The following NTRK3 variants were observed in gnomAD, a reference collection of about 807,000 sequenced individuals.
NTRK3 encodes the protein neurotrophic receptor tyrosine kinase 3.
NTRK3 carries 24 observed loss-of-function variants against 91.7 expected under a neutral mutation model. The observed-to-expected ratio is 0.26, with a 90% CI of 0.19 to 0.37. The LOEUF (loss-of-function observed/expected upper bound fraction) is 0.37. Ranked by LOEUF, NTRK3 falls within the 10% of genes least tolerant of loss-of-function variation. NTRK3 has a pLI of 1.00. For synonymous variants in NTRK3, 483 were observed against 404.0 expected, an observed-to-expected ratio of 1.20 and a Z score of -2.34; for missense variants, 880 against 1,068.9, an observed-to-expected ratio of 0.82 and a Z score of 2.46.
intron 3 of NTRK3, among the ~76,000 whole-genome samples, chr15:88,200,219 C>T (rs1359559222): frequency 2.0e-5 from 3 of 152,192 alleles, no homozygotes; most frequent in Non-Finnish European, 4.4e-5. Flanking sequence ...CCGGACTGGC[C>T]GCCAACCTAG....
chr15:87,860,270 C>A (rs1270599433), exon 19 of NTRK3: 3 of 215,332 alleles, frequency 1.4e-5, no homozygotes, highest in East Asian at 6.8e-5. Flanking sequence ...GGAGAAACAA[C>A]CTTTGGTGAT....
intron 3 of NTRK3, among the ~76,000 whole-genome samples, chr15:88,222,935 A>G (rs912109815): frequency 1.3e-5 from 2 of 152,144 alleles, no homozygotes; most frequent in African/African-American, 4.8e-5. Context: ...AACCCGCAGG[A>G]TTCTTTTGGG....
chr15:88,148,916 G>A (rs1224005758), intron 5 of NTRK3, among the ~76,000 whole-genome samples: 2 of 152,160 alleles, frequency 1.3e-5, no homozygotes, highest in Non-Finnish European at 2.9e-5. Flanking sequence ...GAGAGAAAGA[G>A]AAGTGAGTGG....
chr15:88,194,427 C>T (rs1005354051), intron 3 of NTRK3, among the ~76,000 whole-genome samples: 2 of 152,354 alleles, frequency 1.3e-5, no homozygotes, highest in East Asian at 3.9e-4. Flanking sequence ...AATACCAGCC[C>T]CTGCTTTCCT....
intron 13 of NTRK3, among the ~76,000 whole-genome samples, chr15:88,058,200 AAGAGT>A (rs2045899042): frequency 6.6e-6 from 1 of 152,174 alleles, no homozygotes; most frequent in Non-Finnish European, 1.5e-5. Flanking sequence ...CCAAAGGGGA[AAGAGT>A]CCAGAGTGGC....
chr15:88,144,671 C>G (rs936412794), intron 6 of NTRK3, among the ~76,000 whole-genome samples: 4 of 152,150 alleles, frequency 2.6e-5, no homozygotes, highest in Non-Finnish European at 5.9e-5. Flanking sequence ...ACCTGTTTAA[C>G]TTAGCCGAGC....
At chr15:88,256,208 G>GAGT (rs1309645161) in intron 2 of NTRK3, 40 bp from the exon 3 acceptor site, 153 of 805,374 alleles carry the variant, frequency 1.9e-4, no homozygotes, top group Non-Finnish European at 1.5e-4. Flanking sequence ...GGGTGGGGTG[G>GAGT]GGGGAGTGGG....
At chr15:88,155,816 CTA>C (rs2043838415) in intron 5 of NTRK3, among the ~76,000 whole-genome samples, 1 of 147,380 alleles carries the variant, frequency 6.8e-6, no homozygotes, top group African/African-American at 2.6e-5. Context: ...ATCTATCTAT[CTA>C]TCTATCTATC....
intron 3 of NTRK3, among the ~76,000 whole-genome samples, chr15:88,250,205 C>A (rs1056041806): frequency 6.6e-6 from 1 of 152,192 alleles, no homozygotes; most frequent in Non-Finnish European, 1.5e-5. Flanking sequence ...AAGAACAGAG[C>A]CAAGGGGACC....
intron 13 of NTRK3, among the ~76,000 whole-genome samples, chr15:88,083,291 G>C (rs3784425): frequency 0.37 from 55,767 of 151,868 alleles, 10,611 homozygotes; most frequent in Non-Finnish European, 0.43. Flanking sequence ...CCCAATCTCG[G>C]CTCACTGCAA....
exon 19 of NTRK3, chr15:87,863,768 T>C (rs995806557): frequency 4.3e-6 from 1 of 230,130 alleles, no homozygotes; most frequent in Non-Finnish European, 8.6e-6. Context: ...ATAATTTATA[T>C]GGCTTGCTAT....
rs75546044 is a variant in NTRK3, at chr15:88,185,205, A to T, written c.249-906T>A. ...CACTACATCTATTAACTACTAATTA[A>T]TTCATCTTCTTGGATTTATTAATCA... On this transcript the variant is annotated intron_variant, in intron 3 of 18. Transcript: ENST00000394480. Among the ~76,000 whole-genome samples the T allele has an allele frequency of 6.2e-3, 946 of 152,298 alleles. 5 individuals carry two copies. Among genetic ancestry groups the T allele is most frequent in the Non-Finnish European group, 0.011 (770 of 68,020 alleles).
chr15:87,891,864 A>G (rs1343186330), intron 17 of NTRK3, among the ~76,000 whole-genome samples: 1 of 152,192 alleles, frequency 6.6e-6, no homozygotes, highest in Non-Finnish European at 1.5e-5. Context: ...GATGAGGTCT[A>G]GAATTTCCGT....
At chr15:88,087,196 C>T (rs1052438431) in intron 13 of NTRK3, among the ~76,000 whole-genome samples, 6 of 152,154 alleles carry the variant, frequency 3.9e-5, no homozygotes, top group African/African-American at 4.8e-5. Context: ...AGTCATGAAA[C>T]GCATGCGTGT....
At chr15:88,137,119 A>G (rs562569571) in intron 7 of NTRK3, among the ~76,000 whole-genome samples, 8 of 152,342 alleles carry the variant, frequency 5.3e-5, no homozygotes, top group South Asian at 4.1e-4. Context: ...TTTGGTTGAC[A>G]GGTAACTCAC....
rs1220965953 is a variant in NTRK3, at chr15:87,981,340, T to A, written c.1586-40587A>T. 5 of 1,612,232 alleles carry A rather than the reference T, an allele frequency of 3.1e-6. No individual in the cohort carries two copies. In the African/African-American group the frequency reaches 4.0e-5, roughly 13 times the overall value. On this transcript the variant is annotated intron_variant, in intron 14 of 18. Coordinates refer to ENST00000394480, the Ensembl canonical transcript of NTRK3. ...TCCTTCAAGTTTAATATCCCATGAT[T>A]GTCTATGTTTGAAAAGACCCCTGGC... is the stretch of plus-strand genomic sequence containing the variant.
At chr15:87,988,922 AT>A (rs1490252566) in intron 14 of NTRK3, among the ~76,000 whole-genome samples, 4 of 151,502 alleles carry the variant, frequency 2.6e-5, no homozygotes, top group Non-Finnish European at 5.9e-5. Context: ...ACTTTTTTTT[AT>A]TTTTATTTTT....
At chr15:88,109,824 T>G (rs575157739) in intron 13 of NTRK3, among the ~76,000 whole-genome samples, 114 of 152,230 alleles carry the variant, frequency 7.5e-4, no homozygotes, top group African/African-American at 2.6e-3. Context: ...TAAAACCAAG[T>G]GTATGAACCA....
At chr15:88,137,582 G>A (rs978419319) in intron 6 of NTRK3, 21 bp from the exon 7 acceptor site, 22 of 1,612,364 alleles carry the variant, frequency 1.4e-5, no homozygotes, top group Non-Finnish European at 1.9e-5. Flanking sequence ...AGAGAGAGGG[G>A]AAGGGAACCT....
Sources: allele counts gnomAD v4.1 joint callset (sites outside exome capture counted in the v4.1 genomes callset), GRCh38; gene constraint gnomAD v4.1.1; transcripts MANE v1.5; gene names NCBI Gene and HGNC (gene_info 2026-07-23, HGNC 2026-07-21).